The following MARK1 variants were observed in gnomAD, a reference collection of about 807,000 sequenced individuals.
MARK1 encodes the protein microtubule affinity regulating kinase 1.
Under a neutral mutation model 96.3 loss-of-function variants are expected in MARK1, and 40 were observed. That is an observed-to-expected ratio of 0.42 (90% CI 0.32 to 0.54). The LOEUF is 0.54. Among genes scored for constraint, MARK1 ranks in the 20% least tolerant of loss-of-function variants. The pLI, the probability that MARK1 is intolerant of heterozygous loss-of-function variation, is 0.16. For synonymous variants in MARK1, 317 were observed against 341.2 expected (o/e 0.93, Z 0.78); for missense variants, 719 against 984.6 (o/e 0.73, Z 3.61).
chr1:220,597,335 A>G (rs1665435656), intron 3 of MARK1, among the ~76,000 whole-genome samples: 1 of 152,086 alleles, frequency 6.6e-6, no homozygotes. Flanking sequence ...CATTCCCATC[A>G]ATACTGCAGA....
In MARK1 at chr1:220,528,739, C is replaced by T. The variant is rs1660091195; in HGVS notation, c.-84C>T. The T allele has an allele frequency of 1.5e-6, 2 of 1,333,954 alleles. No homozygotes were observed. Among genetic ancestry groups the T allele is most frequent in the Admixed American group, 4.4e-5 (2 of 45,192 alleles). The allele number at this position is 1,333,954 out of a possible 1,614,324, so 82.6% of individuals were successfully genotyped here. A position where few individuals can be genotyped will look rare whatever the true frequency, so the allele number is the denominator to read the frequency against. On this transcript the variant is annotated 5_prime_UTR_variant, in exon 1 of 18. Transcript: ENST00000366917. The stretch of plus-strand genomic sequence containing the variant: ...GCTCGCCCCGGCCTTGTGCTCGCGT[C>T]CGCACCCCTTTCCTGTCGCCCCCCG...
At chr1:220,648,346 A>G (rs74139796) in intron 13 of MARK1, among the ~76,000 whole-genome samples, 150 of 152,332 alleles carry the variant, frequency 9.8e-4, no homozygotes, top group African/African-American at 3.5e-3. Flanking sequence ...TTACCTGCTT[A>G]GTGATAACTA....
intron 1 of MARK1, among the ~76,000 whole-genome samples, chr1:220,534,265 A>G (rs754190341): frequency 1.3e-5 from 2 of 152,104 alleles, no homozygotes; most frequent in African/African-American, 2.4e-5. Context: ...TGGGATATCT[A>G]TCACTTTACA....
At chr1:220,615,665 A>G (rs985837230) in intron 6 of MARK1, among the ~76,000 whole-genome samples, 1 of 152,006 alleles carries the variant, frequency 6.6e-6, no homozygotes, top group Admixed American at 6.6e-5. Flanking sequence ...TAAACAGAGA[A>G]CTATAAATGA....
chr1:220,584,150 A>T (rs1212455414), intron 3 of MARK1, among the ~76,000 whole-genome samples: 3 of 152,180 alleles, frequency 2.0e-5, no homozygotes, highest in Admixed American at 6.5e-5. Flanking sequence ...CTCAGCTTAC[A>T]GTCACCAGAG....
At chr1:220,541,753 A>T (rs1206611591) in intron 1 of MARK1, among the ~76,000 whole-genome samples, 1 of 152,052 alleles carries the variant, frequency 6.6e-6, no homozygotes, top group African/African-American at 2.4e-5. Context: ...TCATCCTTTA[A>T]TTTTTAGCCT....
chr1:220,559,044 A>T (rs1045961779), intron 1 of MARK1, among the ~76,000 whole-genome samples: 16 of 152,236 alleles, frequency 1.1e-4, no homozygotes, highest in African/African-American at 3.9e-4. Flanking sequence ...TAAGGTAAGT[A>T]GAAGGAGGAA....
chr1:220,592,394 C>T (rs1665060118), intron 3 of MARK1, among the ~76,000 whole-genome samples: 1 of 151,790 alleles, frequency 6.6e-6, no homozygotes, highest in Non-Finnish European at 1.5e-5. Context: ...AAGGGTGGCC[C>T]CTAGCTGACA....
chr1:220,540,532 G>A (rs1558244982), intron 1 of MARK1, among the ~76,000 whole-genome samples: 2 of 152,054 alleles, frequency 1.3e-5, no homozygotes, highest in African/African-American at 4.8e-5. Flanking sequence ...GCATTCCTCA[G>A]CCCAGTCAAA....
rs753801480 is a variant in MARK1, at chr1:220,652,053, G to T, written c.1639G>T (p.Ala547Ser). ...GSSVASAVPS[A>S]RPRHQKSMST... ...TTCTGTGGCCTCTGCTGTCCCCTCAGCACGACCCCGCCACCAGAAGTCCAT... is the reference window on the plus strand; with the variant it reads ...TTCTGTGGCCTCTGCTGTCCCCTCATCACGACCCCGCCACCAGAAGTCCAT... The change falls in exon 15 of 18, where the codon GCA becomes TCA. Residue 547 changes from alanine (A) to serine (S), a missense_variant. Around this residue, in one of 4 missense-constraint regions of MARK1, gnomAD observed 501 missense variants for 588.3 expected, o/e 0.85. Coordinates refer to ENST00000366917, the MANE Select transcript of MARK1 (RefSeq NM_018650.5). 6.2e-7 allele frequency: 1 copy of T among 1,613,462 alleles called. No homozygotes were observed. Among genetic ancestry groups the T allele is most frequent in the South Asian group, 1.1e-5 (1 of 91,014 alleles).
intron 17 of MARK1, among the ~76,000 whole-genome samples, chr1:220,661,485 G>A (rs1669480627): frequency 6.6e-6 from 1 of 152,146 alleles, no homozygotes; most frequent in South Asian, 2.1e-4. Flanking sequence ...CCTATTTTGT[G>A]TGTGTGCTTG....
At chr1:220,577,739 G>C (rs1002742512) in intron 1 of MARK1, among the ~76,000 whole-genome samples, 1 of 152,188 alleles carries the variant, frequency 6.6e-6, no homozygotes, top group African/African-American at 2.4e-5. Context: ...ACATAAAGAT[G>C]AAAAGAAAAC....
chr1:220,643,016 G>A (rs946884503), intron 13 of MARK1, among the ~76,000 whole-genome samples: 4 of 152,176 alleles, frequency 2.6e-5, no homozygotes, highest in African/African-American at 9.7e-5. Flanking sequence ...ACAAGAAAAT[G>A]CTGAAAATCC....
Position 220,651,946 on chromosome 1 carries a change from CTT to C in MARK1, c.1572-34_1572-33del, listed in dbSNP as rs760295537. The C allele has an allele frequency of 4.8e-6, 7 of 1,452,686 alleles. No individual in the cohort carries two copies. In the African/African-American group the frequency reaches 7.1e-5, roughly 15 times the overall value. 90.0% of individuals were successfully genotyped at this position (1,452,686 alleles called of 1,614,324 possible). ...ATTTTAGTAAACCACAAATTTTCCT[CTT>C]TTTTTCCATGGTCTTCTCAACTGCT... On this transcript the variant is annotated intron_variant, in intron 14 of 17. Coordinates refer to ENST00000366917, the MANE Select transcript of MARK1 (RefSeq NM_018650.5).
rs1442055754 is a variant in MARK1, at chr1:220,635,539, A to G, written c.1276+10A>G. 9 of 1,600,042 alleles carry G rather than the reference A, an allele frequency of 5.6e-6. No individual in the cohort carries two copies. The highest frequency in any genetic ancestry group is 5.4e-5 in the African/African-American group (4 of 73,998). On this transcript the variant is annotated intron_variant, in intron 12 of 17. Coordinates refer to ENST00000366917, the MANE Select transcript of MARK1 (RefSeq NM_018650.5). ...CGTTTCAGTGATCATGGTAGGGGAAAAAGTCACATAAGTGAAGCAACACAC... is the reference window on the plus strand; with the variant it reads ...CGTTTCAGTGATCATGGTAGGGGAAGAAGTCACATAAGTGAAGCAACACAC...
At chr1:220,560,846 G>C (rs148313932) in intron 1 of MARK1, among the ~76,000 whole-genome samples, 4 of 152,322 alleles carry the variant, frequency 2.6e-5, no homozygotes, top group East Asian at 3.9e-4. Context: ...TGGGAATACT[G>C]TACTCAAAGT....
chr1:220,620,965 C>T (rs1289579425), intron 9 of MARK1, among the ~76,000 whole-genome samples: 1 of 152,008 alleles, frequency 6.6e-6, no homozygotes, highest in Admixed American at 6.5e-5. Context: ...TTGGTGACTT[C>T]AAAAATTGTT....
At chr1:220,626,317 A>C in intron 9 of MARK1, 2 of 547,106 alleles carry the variant, frequency 3.7e-6, no homozygotes, top group Non-Finnish European at 7.3e-6. Context: ...CTGGGTCATG[A>C]CTATGTCTTC....
At position 220,623,464 on chromosome 1, in the gene MARK1, A is replaced by G. The variant is rs564277527; in HGVS notation, c.909+4709A>G. Among the ~76,000 whole-genome samples, 6 of 152,286 alleles carry G rather than the reference A, an allele frequency of 3.9e-5. No individual in the cohort carries two copies. The South Asian group carries it at 1.2e-3, about 32-fold the overall frequency. On this transcript the variant is annotated intron_variant, in intron 9 of 17. Transcript: ENST00000366917. ...CCTTTCTTAAGGAGATCTTCTTTCCAACCTTTATCTTCCATTCTGAGAAGA... is the reference window on the plus strand; with the variant it reads ...CCTTTCTTAAGGAGATCTTCTTTCCGACCTTTATCTTCCATTCTGAGAAGA...
Sources: allele counts gnomAD v4.1 joint callset (sites outside exome capture counted in the v4.1 genomes callset), GRCh38; gene constraint gnomAD v4.1.1; regional missense constraint gnomAD v4.1.1; transcripts MANE v1.5; gene names NCBI Gene and HGNC (gene_info 2026-07-23, HGNC 2026-07-21).